ABL1: variants seen among roughly 807,000 people sequenced by gnomAD.
The protein encoded by ABL1 is ABL proto-oncogene 1, non-receptor tyrosine kinase.
Under a neutral mutation model 94.7 loss-of-function variants are expected in ABL1, and 11 were observed. That is an observed-to-expected ratio of 0.12 (90% CI 0.07 to 0.19). The LOEUF is 0.19. Ranked by LOEUF, ABL1 falls within the 10% of genes least tolerant of loss-of-function variation. The pLI is 1.00. For missense variants in ABL1, 1,082 were observed against 1,489.4 expected (o/e 0.73, Z 4.50); for synonymous variants, 656 against 622.4 (o/e 1.05, Z -0.80).
At chr9:130,727,763 C>G (rs139471435) in intron 1 of ABL1, among the ~76,000 whole-genome samples, 16 of 114,362 alleles carry the variant, frequency 1.4e-4, no homozygotes, top group Admixed American at 2.6e-4. Flanking sequence ...CCCCCCCCCC[C>G]AAAAAAAAGC....
At chr9:130,784,957 G>A (rs1220370916) in intron 1 of ABL1, among the ~76,000 whole-genome samples, 1 of 152,226 alleles carries the variant, frequency 6.6e-6, no homozygotes, top group African/African-American at 2.4e-5. Context: ...TTTCAATTAG[G>A]AAGTGGGGCA....
intron 1 of ABL1, among the ~76,000 whole-genome samples, chr9:130,841,848 A>G (rs1039580746): frequency 4.6e-5 from 7 of 152,070 alleles, no homozygotes; most frequent in Admixed American, 3.9e-4. Flanking sequence ...TTCTTTCTTT[A>G]CCATGTTACA....
chr9:130,806,395 T>G (rs1425664205), intron 1 of ABL1, among the ~76,000 whole-genome samples: 1 of 152,218 alleles, frequency 6.6e-6, no homozygotes, highest in Non-Finnish European at 1.5e-5. Flanking sequence ...ATTTAATTAC[T>G]GTAGGTAGTT....
intron 1 of ABL1, among the ~76,000 whole-genome samples, chr9:130,815,375 C>T (rs1456672182): frequency 6.6e-6 from 1 of 152,104 alleles, no homozygotes; most frequent in Non-Finnish European, 1.5e-5. Flanking sequence ...TATCTTGTCC[C>T]CAGATCTGAT....
intron 1 of ABL1, among the ~76,000 whole-genome samples, chr9:130,812,558 C>T (rs1360493449): frequency 6.6e-6 from 1 of 151,648 alleles, no homozygotes; most frequent in African/African-American, 2.4e-5. Context: ...ATTAAACAAA[C>T]TATATTTTAA....
At chr9:130,746,576 T>C (rs1298174283) in intron 1 of ABL1, among the ~76,000 whole-genome samples, 1 of 151,094 alleles carries the variant, frequency 6.6e-6, no homozygotes, top group Non-Finnish European at 1.5e-5. Flanking sequence ...CGTAATGCCT[T>C]TGAGATCCAT....
In ABL1 at chr9:130,814,202, G is replaced by A. The variant is rs931830486; in HGVS notation, c.137-39862G>A. On this transcript the variant is annotated intron_variant, in intron 1 of 10. Coordinates refer to the ABL1 transcript ENST00000372348. The surrounding 1 kb of genome is among the most constrained non-coding windows in gnomAD (Gnocchi z 4.4). ...CTCAGGAGGCTGAGGCAGGAGAATCGCTTTAACCAGGGAGTCGGAGGTTGC... is the reference window on the plus strand; with the variant it reads ...CTCAGGAGGCTGAGGCAGGAGAATCACTTTAACCAGGGAGTCGGAGGTTGC... 1.2e-4 allele frequency among the ~76,000 whole-genome samples: 19 copies of A among 152,038 alleles called. No individual in the cohort carries two copies. Among genetic ancestry groups the A allele is most frequent in the African/African-American group, 4.3e-4 (18 of 41,464 alleles).
rs140170768 is a variant in ABL1 at position 130,884,219 on chromosome 9, C to T, written c.1929C>T (p.Asn643=). The part of the protein sequence containing the change: ...AGEEEGRDIS[N]GALAFTPLDT... ...AGGAAGAGGGCCGAGACATCAGCAA[C>T]GGGGCACTGGCTTTCACCCCCTTGG... The change falls in exon 11 of 11, where the codon AAC becomes AAT. Residue 643 remains asparagine (N), a synonymous_variant. Coordinates refer to ENST00000318560, the MANE Select transcript of ABL1 (RefSeq NM_005157.6). This position sits in a 1 kb window ranked among gnomAD's most constrained non-coding sequence, Gnocchi z 5.6. 9.9e-6 allele frequency: 16 copies of T among 1,608,252 alleles called. No homozygotes were observed. The highest frequency in any genetic ancestry group is 1.7e-4 in the Middle Eastern group (1 of 6,048).
rs143473603 is a variant in ABL1 at position 130,756,505 on chromosome 9, C to T, written c.136+42050C>T. On this transcript the variant is annotated intron_variant, in intron 1 of 10. Coordinates refer to the ABL1 transcript ENST00000372348. ...ATTGGTGCCTTTTTCAGCTATTTTT[C>T]GGCGTTGCTATATTCCAAGCCACTG... 4.3e-3 allele frequency among the ~76,000 whole-genome samples: 653 copies of T among 152,158 alleles called. 2 individuals carry two copies. Among genetic ancestry groups the T allele is most frequent in the African/African-American group, 0.014 (597 of 41,508 alleles).
At chr9:130,867,030 T>C (rs1831168665) in intron 4 of ABL1, among the ~76,000 whole-genome samples, 1 of 152,238 alleles carries the variant, frequency 6.6e-6, no homozygotes, top group Non-Finnish European at 1.5e-5. Context: ...TCAGTGTCTT[T>C]TTTTTCTATG....
chr9:130,737,982 C>T (rs983275939), intron 1 of ABL1, among the ~76,000 whole-genome samples: 18 of 151,814 alleles, frequency 1.2e-4, no homozygotes, highest in Admixed American at 7.2e-4. Flanking sequence ...AGATGTGCAC[C>T]GCCACACCCA....
intron 1 of ABL1, among the ~76,000 whole-genome samples, chr9:130,735,961 A>ATATTTTTTTTTTTTT (rs573602038): frequency 1.1e-5 from 1 of 94,886 alleles, no homozygotes; most frequent in African/African-American, 6.4e-5. Context: ...ATATATATAT[A>ATATTTTTTTTTTTTT]TTTTTTTTTT....
chr9:130,819,532 CTTTTT>C (rs34341889), intron 1 of ABL1, among the ~76,000 whole-genome samples: 1 of 96,282 alleles, frequency 1.0e-5, no homozygotes. Flanking sequence ...AGAAAAATAC[CTTTTT>C]TTTTTTTTTT....
chr9:130,804,453 G>T (rs546019527), intron 1 of ABL1, among the ~76,000 whole-genome samples: 1 of 151,932 alleles, frequency 6.6e-6, no homozygotes, highest in Non-Finnish European at 1.5e-5. Context: ...GGCGTGTGGC[G>T]CATGCCTGTA....
intron 1 of ABL1, among the ~76,000 whole-genome samples, chr9:130,723,057 G>A (rs1458700178): frequency 6.6e-6 from 1 of 152,178 alleles, no homozygotes; most frequent in African/African-American, 2.4e-5. Flanking sequence ...AAACCCATAG[G>A]AATGTGTCGG....
At chr9:130,751,112 T>G (rs1454162181) in intron 1 of ABL1, among the ~76,000 whole-genome samples, 1 of 137,488 alleles carries the variant, frequency 7.3e-6, no homozygotes, top group Non-Finnish European at 1.5e-5. Flanking sequence ...CTTTTGAAAC[T>G]TGTTTTTTTT....
At chr9:130,766,336 A>C (rs1330165488) in intron 1 of ABL1, among the ~76,000 whole-genome samples, 2 of 152,212 alleles carry the variant, frequency 1.3e-5, no homozygotes, top group Non-Finnish European at 2.9e-5. Flanking sequence ...GAAGAGATCC[A>C]TGACCGCAGA....
chr9:130,835,514 G>C lies in ABL1; in HGVS notation c.68G>C (p.Cys23Ser). Residue 23 changes from cysteine (C) to serine (S), a missense_variant, in exon 1 of 11, where the codon TGT becomes TCT. Cys to Ser is a moderately radical substitution (Grantham distance 112). Coordinates refer to ENST00000318560, the MANE Select transcript of ABL1 (RefSeq NM_005157.6). This position sits in a 1 kb window ranked among gnomAD's most constrained non-coding sequence, Gnocchi z 4.6. ...AAGGGGCTGTCCTCGTCCTCCAGCTGTTATCTGGAAGGTAAGCCCGGGCCG... is the reference window on the plus strand; with the variant it reads ...AAGGGGCTGTCCTCGTCCTCCAGCTCTTATCTGGAAGGTAAGCCCGGGCCG... Reference protein sequence around the residue: ...SKKGLSSSSSCYLEEALQRPV... With the variant: ...SKKGLSSSSSSYLEEALQRPV... 6.4e-7 allele frequency: 1 copy of C among 1,558,106 alleles called. No homozygotes were observed. Among genetic ancestry groups the C allele is most frequent in the Non-Finnish European group, 8.7e-7 (1 of 1,150,216 alleles).
chr9:130,845,370 C>T (rs889475093), intron 1 of ABL1, among the ~76,000 whole-genome samples: 6 of 151,384 alleles, frequency 4.0e-5, no homozygotes, highest in East Asian at 1.9e-4. Context: ...TAGACAGAGT[C>T]GAGCTCTGTT....
Sources: gnomAD v4.1 joint callset for allele counts (sites outside exome capture counted in the v4.1 genomes callset) on GRCh38, gnomAD v4.1.1 for gene constraint, Gnocchi (gnomAD v3.1) non-coding constraint, MANE v1.5 for transcripts, NCBI Gene and HGNC (gene_info 2026-07-23, HGNC 2026-07-21) for gene names.